DNAH8: variants seen among roughly 807,000 people sequenced by gnomAD.
The protein encoded by DNAH8 is axonemal beta dynein heavy chain 8.
In DNAH8, 382 loss-of-function variants were observed where a neutral mutation model predicts 562.1. The observed-to-expected ratio is 0.68, with a 90% confidence interval of 0.63 to 0.74. The LOEUF is 0.74. Among genes scored for constraint, DNAH8 ranks in the 30% least tolerant of loss-of-function variants. DNAH8 has a pLI of 0.00. For synonymous variants in DNAH8, 1,881 were observed against 1,919.4 expected (o/e 0.98, Z 0.52); for missense variants, 5,203 against 5,620.4 (o/e 0.93, Z 2.37).
chr6:38,867,762 A>AC (rs890134212), intron 47 of DNAH8, among the ~76,000 whole-genome samples: 1 of 151,688 alleles, frequency 6.6e-6, no homozygotes, highest in African/African-American at 2.4e-5. Flanking sequence ...CAAAAAAAAA[A>AC]AAAAAAAAAA....
intron 81 of DNAH8, among the ~76,000 whole-genome samples, chr6:38,950,356 A>T (rs1246904438): frequency 6.6e-6 from 1 of 152,122 alleles, no homozygotes; most frequent in African/African-American, 2.4e-5. Context: ...ACTTCTTAGA[A>T]AAAGCTGTTT....
chr6:38,873,072 C>T lies in DNAH8; in HGVS notation c.7404C>T (p.Ala2468=), dbSNP rs1777594825. ...TTGAAGTCCACAATATCGAGAACGCCTCTCCTGCCACGGTTTCTAGGATGG... is the reference window on the plus strand; with the variant it reads ...TTGAAGTCCACAATATCGAGAACGCTTCTCCTGCCACGGTTTCTAGGATGG... ...LLFEVHNIEN[A]SPATVSRMGM... Residue 2468 remains alanine, a synonymous_variant, in exon 51 of 93, where the codon GCC becomes GCT. Transcript: ENST00000327475. 1 of 1,614,112 alleles carries T rather than the reference C, an allele frequency of 6.2e-7. No homozygotes were observed. Among genetic ancestry groups the T allele is most frequent in the African/African-American group, 1.3e-5 (1 of 75,038 alleles).
At chr6:38,796,261 C>T (rs538807657) in intron 21 of DNAH8, among the ~76,000 whole-genome samples, 32 of 152,286 alleles carry the variant, frequency 2.1e-4, no homozygotes, top group Non-Finnish European at 4.4e-4. Flanking sequence ...ATCATGAGGT[C>T]CCTCTCTGAG....
rs1383298719 is a variant in DNAH8, at chr6:38,909,574, CACTATGG to C, written c.9574_9580del (p.Met3192GlyfsTer10). 9 of 1,614,154 alleles carry C rather than the reference CACTATGG, an allele frequency of 5.6e-6. No individual in the cohort carries two copies. Among genetic ancestry groups the C allele is most frequent in the Non-Finnish European group, 6.8e-6 (8 of 1,180,016 alleles). On this transcript the variant is annotated frameshift_variant, in exon 65 of 93. Coordinates refer to ENST00000327475, the MANE Select transcript of DNAH8 (RefSeq NM_001206927.2). LOFTEE classifies it high-confidence loss of function. ...AATTTCCTGGCTTGATATCAGGTTG[CACTATGG>C]ACTGGTTCAGCCGCTGGCCAAGGGA...
In DNAH8 at chr6:38,932,011, G is replaced by A. The variant is rs75452505; in HGVS notation, c.11457+18G>A. 3.7e-3 allele frequency: 5,499 copies of A among 1,488,772 alleles called. 77 individuals are homozygous for A. The African/African-American group carries it at 0.038, about 10-fold the overall frequency. The allele number at this position is 1,488,772 out of a possible 1,614,324, so 92.2% of individuals were successfully genotyped here. On this transcript the variant is annotated intron_variant, in intron 76 of 92. Coordinates refer to ENST00000327475, the MANE Select transcript of DNAH8 (RefSeq NM_001206927.2). ...AGAAACAGGTAATCTCTCTCTCAAG[G>A]TAAAGAATTTCTGCTTATAATACAT... is the stretch of plus-strand genomic sequence containing the variant.
At chr6:38,948,263 A>G (rs1380579085) in intron 80 of DNAH8, among the ~76,000 whole-genome samples, 1 of 152,204 alleles carries the variant, frequency 6.6e-6, no homozygotes, top group African/African-American at 2.4e-5. Context: ...GGTCTGGCAT[A>G]GGGCATCTGC....
At chr6:39,001,457 TAAGCTG>T (rs1434898727) in intron 88 of DNAH8, among the ~76,000 whole-genome samples, 1 of 152,068 alleles carries the variant, frequency 6.6e-6, no homozygotes, top group Non-Finnish European at 1.5e-5. Flanking sequence ...TGAAGACATC[TAAGCTG>T]AGCTTAATAT....
At chr6:38,999,400 G>GT (rs71809928) in intron 88 of DNAH8, among the ~76,000 whole-genome samples, 13,045 of 140,994 alleles carry the variant, frequency 0.093, 722 homozygotes, top group Non-Finnish European at 0.12. Context: ...TATGGGGGCT[G>GT]TTTTTTTTTT....
chr6:38,883,183 T>C (rs923195654), intron 54 of DNAH8, 131 bp downstream of exon 54: 14 of 1,332,964 alleles, frequency 1.1e-5, no homozygotes, highest in African/African-American at 4.5e-5. Context: ...CTGGGACTTA[T>C]TTTGATGGTA....
At chr6:38,953,842 C>CTT (rs76740008) in intron 82 of DNAH8, among the ~76,000 whole-genome samples, 5 of 139,870 alleles carry the variant, frequency 3.6e-5, no homozygotes, top group African/African-American at 7.8e-5. Flanking sequence ...AATCCAATTA[C>CTT]TTTTTTTTTT....
Position 38,786,785 on chromosome 6 carries a change from G to A in DNAH8, c.2416G>A (p.Val806Met). The A allele has an allele frequency of 6.2e-7, 1 of 1,609,914 alleles. No homozygotes were observed. The highest frequency in any genetic ancestry group is 8.5e-7 in the Non-Finnish European group (1 of 1,178,712). The change falls in exon 18 of 93, where the codon GTG becomes ATG. Residue 806 changes from valine to methionine, a missense_variant. Transcript: ENST00000327475. Reference sequence around the variant, plus strand: ...TGTAGCTTTACAAGCCACGCTTTTTGTGCGACATCCAGAAACAGGGAAGTT... The same window carrying A: ...TGTAGCTTTACAAGCCACGCTTTTTATGCGACATCCAGAAACAGGGAAGTT... ...LHYALQATLF[V>M]RHPETGKLLV...
intron 16 of DNAH8, among the ~76,000 whole-genome samples, chr6:38,782,482 A>G (rs909341681): frequency 2.0e-5 from 3 of 152,098 alleles, no homozygotes; most frequent in Non-Finnish European, 4.4e-5. Flanking sequence ...GCGTTTCACT[A>G]TGTTGGCGAG....
intron 33 of DNAH8, among the ~76,000 whole-genome samples, chr6:38,838,984 A>G (rs1007402784): frequency 4.6e-5 from 7 of 152,238 alleles, no homozygotes; most frequent in Non-Finnish European, 7.3e-5. Context: ...ATGAAAATAG[A>G]CATGAAATTT....
chr6:38,829,040 C>G (rs1616105), intron 30 of DNAH8, among the ~76,000 whole-genome samples: 32,267 of 152,036 alleles, frequency 0.21, 4,299 homozygotes, highest in African/African-American at 0.37. Flanking sequence ...CAAAGTTCAT[C>G]CATATTGTCC....
chr6:38,789,859 T>A lies in DNAH8; in HGVS notation c.2640T>A (p.Asn880Lys). 6.2e-7 allele frequency: 1 copy of A among 1,613,058 alleles called. No individual in the cohort carries two copies. Among genetic ancestry groups the A allele is most frequent in the African/African-American group, 1.3e-5 (1 of 75,038 alleles). ...LCQEVPSVFV[N>K]LMTPKMKKVE... ...AGGAAGTGCCTTCTGTGTTTGTCAA[T>A]CTGATGACCCCAAAAATGAAAAAGG... Residue 880 changes from asparagine to lysine, a missense_variant, in exon 19 of 93, where the codon AAT becomes AAA. Physicochemically the swap from Asn to Lys is moderately conservative, Grantham distance 94. This residue lies in a region of DNAH8 where 2,176 missense variants were observed against 2,365.1 expected (regional missense o/e 0.92). Coordinates refer to ENST00000327475, the MANE Select transcript of DNAH8 (RefSeq NM_001206927.2).
intron 89 of DNAH8, 122 bp from the exon 90 acceptor site, chr6:39,012,092 GA>G: frequency 1.6e-6 from 1 of 634,442 alleles, no homozygotes; most frequent in Non-Finnish European, 2.5e-6. Flanking sequence ...ACATATTTTA[GA>G]ATTCATTTGG....
At chr6:38,803,963 A>G (rs1017675743) in intron 22 of DNAH8, among the ~76,000 whole-genome samples, 5 of 152,170 alleles carry the variant, frequency 3.3e-5, no homozygotes, top group Admixed American at 6.5e-5. Flanking sequence ...AAAGGCTCCT[A>G]ACTTTTGATT....
intron 12 of DNAH8, among the ~76,000 whole-genome samples, chr6:38,770,939 C>A (rs1249756869): frequency 6.6e-6 from 1 of 152,158 alleles, no homozygotes; most frequent in Non-Finnish European, 1.5e-5. Flanking sequence ...ATAAGCATGT[C>A]CTCTTTCTGA....
chr6:38,840,762 A>T (rs574331859), intron 33 of DNAH8, among the ~76,000 whole-genome samples: 1 of 152,266 alleles, frequency 6.6e-6, no homozygotes, highest in Admixed American at 6.5e-5. Flanking sequence ...TCTTAACTGT[A>T]TTAAATGAAA....
Sources: gnomAD v4.1 joint callset for allele counts (sites outside exome capture counted in the v4.1 genomes callset) on GRCh38, gnomAD v4.1.1 for gene constraint, gnomAD v4.1.1 regional missense constraint, MANE v1.5 for transcripts, NCBI Gene and HGNC (gene_info 2026-07-23, HGNC 2026-07-21) for gene names.